Variants in ZNF208 observed in about 807,000 individuals in gnomAD.
ZNF208 encodes zinc finger protein 95.
In ZNF208, 10 loss-of-function variants were observed where a neutral mutation model predicts 12.1. The observed-to-expected ratio is 0.83, with a 90% CI of 0.51 to 1.40. ZNF208 has a LOEUF of 1.40. Among genes scored for constraint, ZNF208 ranks in the 40% most tolerant of loss-of-function variants. ZNF208 has a pLI of 0.00. For synonymous variants in ZNF208, 497 were observed against 488.4 expected (o/e 1.02, Z -0.23); for missense variants, 1,652 against 1,485.0 (o/e 1.11, Z -1.85).
intron 4 of ZNF208, among the ~76,000 whole-genome samples, chr19:21,958,243 CTCAT>C (rs1306641238): frequency 2.6e-5 from 4 of 151,992 alleles, no homozygotes; most frequent in Non-Finnish European, 4.4e-5. Context: ...AACTTCTAGT[CTCAT>C]TCATTGTTTC....
At chr19:21,956,751 C>A (rs1003531870) in intron 4 of ZNF208, among the ~76,000 whole-genome samples, 17 of 152,196 alleles carry the variant, frequency 1.1e-4, no homozygotes, top group African/African-American at 4.1e-4. Context: ...CTTCCCTTGG[C>A]TAGGAAAGGG....
At chr19:22,010,531 C>A (rs1455138976) in intron 1 of ZNF208, among the ~76,000 whole-genome samples, 1 of 152,224 alleles carries the variant, frequency 6.6e-6, no homozygotes, top group African/African-American at 2.4e-5. Context: ...AGAGACTCCG[C>A]GCTGCGGGTG....
intron 4 of ZNF208, among the ~76,000 whole-genome samples, chr19:21,950,925 G>A (rs1286313254): frequency 6.6e-6 from 1 of 152,100 alleles, no homozygotes; most frequent in Non-Finnish European, 1.5e-5. Context: ...TTTGTGTGAT[G>A]TCTATAAAAA....
At chr19:21,956,387 C>T (rs1038964440) in intron 4 of ZNF208, among the ~76,000 whole-genome samples, 1 of 152,240 alleles carries the variant, frequency 6.6e-6, no homozygotes, top group Non-Finnish European at 1.5e-5. Flanking sequence ...ACATTTAAGT[C>T]TGCAGAAGTT....
At chr19:21,962,729 CA>C (rs568564144), downstream of ZNF208, among the ~76,000 whole-genome samples, 2 of 152,148 alleles carry the variant, frequency 1.3e-5, no homozygotes, top group Non-Finnish European at 2.9e-5. Context: ...CACTCGGAAA[CA>C]AAACTATAAA....
intron 1 of ZNF208, among the ~76,000 whole-genome samples, chr19:21,990,266 T>C (rs1220965081): frequency 6.6e-6 from 1 of 152,206 alleles, no homozygotes; most frequent in Non-Finnish European, 1.5e-5. Context: ...TTGTATAAGA[T>C]GTGAGGAAGG....
chr19:21,958,155 G>A (rs562188078), intron 4 of ZNF208, among the ~76,000 whole-genome samples: 43 of 146,394 alleles, frequency 2.9e-4, no homozygotes, highest in Middle Eastern at 3.5e-3. Context: ...CTTAAAGAAG[G>A]AATTTTGTGA....
downstream of ZNF208, among the ~76,000 whole-genome samples, chr19:21,963,156 G>C (rs947008019): frequency 6.6e-6 from 1 of 152,022 alleles, no homozygotes; most frequent in African/African-American, 2.4e-5. Context: ...AAGAGCACTT[G>C]TTTTGGTGAT....
chr19:22,005,257 A>C (rs1971024505), intron 1 of ZNF208, among the ~76,000 whole-genome samples: 1 of 152,134 alleles, frequency 6.6e-6, no homozygotes, highest in Non-Finnish European at 1.5e-5. Context: ...GGTGTTTGTG[A>C]GTGGGTAGAA....
At chr19:21,965,427 G>A (rs1176905301), downstream of ZNF208, among the ~76,000 whole-genome samples, 4 of 152,128 alleles carry the variant, frequency 2.6e-5, no homozygotes, top group South Asian at 6.2e-4. Context: ...CACCTTGATT[G>A]AAAACATGCC....
At chr19:21,998,359 A>T (rs1229611878) in intron 1 of ZNF208, 2 of 152,008 alleles carry the variant, frequency 1.3e-5, no homozygotes, top group African/African-American at 2.4e-5. Context: ...GAGTTTCACC[A>T]TGTTAGCCAA....
At chr19:21,942,130 A>G (rs186615142) in intron 4 of ZNF208, among the ~76,000 whole-genome samples, 17 of 152,360 alleles carry the variant, frequency 1.1e-4, no homozygotes, top group African/African-American at 3.6e-4. Flanking sequence ...GCCGTATGAT[A>G]TGAATACAGG....
At chr19:21,977,560 T>C (rs1970456488) in intron 3 of ZNF208, among the ~76,000 whole-genome samples, 1 of 152,202 alleles carries the variant, frequency 6.6e-6, no homozygotes, top group Admixed American at 6.5e-5. Context: ...TACTGTGCTT[T>C]TCCCATGGTC....
At position 21,957,736 on chromosome 19, in the gene ZNF208, G is replaced by A. The variant is rs572438838; in HGVS notation, c.305+16993C>T. On this transcript the variant is annotated intron_variant, in intron 4 of 4. Transcript: ENST00000599916. ...CTGTGGAGAGATAGTTACTCTTGCTGCACTATGTTCAAATAGTTAGGCCAA... is the reference window on the plus strand; with the variant it reads ...CTGTGGAGAGATAGTTACTCTTGCTACACTATGTTCAAATAGTTAGGCCAA... Among the ~76,000 whole-genome samples the A allele has an allele frequency of 1.5e-3, 223 of 152,238 alleles. 1 individual carries two copies. Among genetic ancestry groups the A allele is most frequent in the Non-Finnish European group, 2.4e-3 (165 of 68,020 alleles).
chr19:21,955,950 C>G (rs183400858), intron 4 of ZNF208, among the ~76,000 whole-genome samples: 38 of 152,318 alleles, frequency 2.5e-4, no homozygotes, highest in African/African-American at 8.2e-4. Flanking sequence ...GCTCTGGTTT[C>G]TCCCCATCTT....
chr19:22,005,931 G>A (rs1971036680), intron 1 of ZNF208, among the ~76,000 whole-genome samples: 1 of 152,000 alleles, frequency 6.6e-6, no homozygotes, highest in Admixed American at 6.6e-5. Flanking sequence ...TGACTTAGAT[G>A]GTGCTCTTTT....
rs4550595 is a variant in ZNF208 at position 21,971,006 on chromosome 19, C to A, written c.*185G>T. ...GATTGAGAACATACTAAAGCCTTTA[C>A]CACATTCTTCACATTTGTAGGGTGT... is the stretch of plus-strand genomic sequence containing the variant. On this transcript the variant is annotated 3_prime_UTR_variant, in exon 4 of 4. Coordinates refer to ENST00000397126, the MANE Select transcript of ZNF208 (RefSeq NM_007153.3). Among the ~76,000 whole-genome samples, 1 of 151,374 alleles carries A rather than the reference C, an allele frequency of 6.6e-6. No individual in the cohort carries two copies. Among genetic ancestry groups the A allele is most frequent in the African/African-American group, 2.4e-5 (1 of 41,162 alleles).
intron 4 of ZNF208, among the ~76,000 whole-genome samples, chr19:21,953,342 C>A (rs1411098537): frequency 6.6e-6 from 1 of 152,194 alleles, no homozygotes; most frequent in South Asian, 2.1e-4. Flanking sequence ...TCGAGAAGAG[C>A]AACTCCAAGA....
rs945521819 is a variant in ZNF208 at position 21,967,688 on chromosome 19, G to T, written c.*3503C>A. The T allele has an allele frequency of 1.3e-5, 2 of 152,028 alleles. No homozygotes were observed. Among genetic ancestry groups the T allele is most frequent in the Non-Finnish European group, 2.9e-5 (2 of 67,992 alleles). 9.4% of individuals were successfully genotyped at this position (152,028 alleles called of 1,614,324 possible). A position where few individuals can be genotyped will look rare whatever the true frequency, so the allele number is the denominator to read the frequency against. ...GGCATGAGCCACCATGCTTGGCCCA[G>T]ATTTATTCTTTTAGTCTGAAGTTTT... On this transcript the variant is annotated 3_prime_UTR_variant, in exon 4 of 4. Coordinates refer to ENST00000397126, the MANE Select transcript of ZNF208 (RefSeq NM_007153.3).
Sources: gnomAD v4.1 joint callset for allele counts (sites outside exome capture counted in the v4.1 genomes callset) on GRCh38, gnomAD v4.1.1 for gene constraint, MANE v1.5 for transcripts, NCBI Gene and HGNC (gene_info 2026-07-23, HGNC 2026-07-21) for gene names.